FANK1: variants seen among roughly 807,000 people sequenced by gnomAD.
FANK1 encodes the protein fibronectin type 3 and ankyrin repeat domains protein 1.
A neutral mutation model predicts 45.3 loss-of-function variants in FANK1; 44 were observed. The ratio of observed to expected loss-of-function variants is 0.97; its 90% CI spans 0.76 to 1.25. FANK1 has a LOEUF of 1.25. FANK1 is among the 50% of genes most tolerant of loss of function. The pLI is 0.00. For missense variants in FANK1, 391 were observed against 424.4 expected (o/e 0.92, Z 0.69); for synonymous variants, 149 against 152.5 (o/e 0.98, Z 0.17).
chr10:125,932,833 C>T (rs183581021), intron 1 of FANK1, among the ~76,000 whole-genome samples: 1 of 152,176 alleles, frequency 6.6e-6, no homozygotes, highest in Non-Finnish European at 1.5e-5. Context: ...ATTATGTTGG[C>T]TGTGGGTTTG....
At position 125,961,657 on chromosome 10, in the gene FANK1, G is replaced by A. The variant is rs144312336; in HGVS notation, c.14-18504G>A. The stretch of plus-strand genomic sequence containing the variant: ...AAAACTACTACAAGAAAACATAGGG[G>A]GAAGCCCTTCAGGACATTGGTCTGG... On this transcript the variant is annotated intron_variant, in intron 1 of 10. Transcript: ENST00000368693. Among the ~76,000 whole-genome samples, 405 of 152,262 alleles carry A rather than the reference G, an allele frequency of 2.7e-3. 2 individuals carry two copies. The highest frequency in any genetic ancestry group is 9.4e-3 in the African/African-American group (392 of 41,552).
intron 1 of FANK1, among the ~76,000 whole-genome samples, chr10:125,963,033 G>C (rs1215624192): frequency 6.7e-6 from 1 of 150,338 alleles, no homozygotes; most frequent in Non-Finnish European, 1.5e-5. Context: ...CGCCCAGGCT[G>C]GAGTGCAGTG....
At chr10:125,945,018 C>G (rs1259065941) in intron 1 of FANK1, among the ~76,000 whole-genome samples, 4 of 152,194 alleles carry the variant, frequency 2.6e-5, no homozygotes, top group Non-Finnish European at 5.9e-5. Flanking sequence ...CACTGTTCTT[C>G]TTAGTACTTC....
intron 6 of FANK1, 51 bp downstream of exon 6, chr10:125,997,536 T>C (rs776774927): frequency 1.3e-6 from 2 of 1,558,560 alleles, no homozygotes; most frequent in Non-Finnish European, 1.8e-6. Context: ...AGAATTGTGT[T>C]GCTAGGCTTG....
At position 125,987,528 on chromosome 10, in the gene FANK1, G is replaced by GAC. The variant is rs34923987; in HGVS notation, c.192-1004_192-1003dup. Among the ~76,000 whole-genome samples the GAC allele has an allele frequency of 6.9e-3, 1,039 of 150,278 alleles. 13 individuals carry two copies. Among genetic ancestry groups the GAC allele is most frequent in the African/African-American group, 0.023 (926 of 40,978 alleles). ...CAGGAAAGAAGAAAGAGCTGGAAAT[G>GAC]ACACACACACACACACACACCCTCT... On this transcript the variant is annotated intron_variant, in intron 2 of 10. Transcript: ENST00000368693.
intron 1 of FANK1, among the ~76,000 whole-genome samples, chr10:125,948,117 G>A (rs1052146477): frequency 9.5e-5 from 14 of 147,104 alleles, no homozygotes; most frequent in Non-Finnish European, 2.1e-4. Context: ...TCAAAGCAGT[G>A]TGTAGAGGGA....
chr10:125,901,539 A>AG (rs1945037178), intron 1 of FANK1, among the ~76,000 whole-genome samples: 1 of 152,142 alleles, frequency 6.6e-6, no homozygotes, highest in East Asian at 1.9e-4. Context: ...CTCATCACAC[A>AG]TCTGATCTTA....
intron 1 of FANK1, among the ~76,000 whole-genome samples, chr10:125,945,264 G>A (rs1375330758): frequency 6.6e-6 from 1 of 152,208 alleles, no homozygotes. Context: ...TGGCCGAATA[G>A]GAACAGCTCC....
At chr10:125,929,136 C>T (rs578082130) in intron 1 of FANK1, among the ~76,000 whole-genome samples, 2 of 152,260 alleles carry the variant, frequency 1.3e-5, no homozygotes, top group Admixed American at 1.3e-4. Context: ...CACAGAAGAG[C>T]CAGGTGGTTG....
intron 1 of FANK1, among the ~76,000 whole-genome samples, chr10:125,965,754 T>C (rs896480332): frequency 3.9e-5 from 6 of 152,224 alleles, no homozygotes; most frequent in African/African-American, 7.2e-5. Context: ...CTGCAGTAAA[T>C]TGAAGTTGTT....
chr10:125,952,410 G>A (rs1223372471), intron 1 of FANK1, among the ~76,000 whole-genome samples: 3 of 152,108 alleles, frequency 2.0e-5, no homozygotes, highest in African/African-American at 7.2e-5. Flanking sequence ...AAACCACTGA[G>A]CTGTATGATT....
intron 1 of FANK1, among the ~76,000 whole-genome samples, chr10:125,919,977 G>A (rs1371197878): frequency 6.6e-6 from 1 of 152,112 alleles, no homozygotes; most frequent in Non-Finnish European, 1.5e-5. Flanking sequence ...TAGAAGATAG[G>A]TTTTACTCAT....
At chr10:125,946,761 C>T (rs1325311566) in intron 1 of FANK1, among the ~76,000 whole-genome samples, 2 of 103,338 alleles carry the variant, frequency 1.9e-5, no homozygotes, top group East Asian at 5.9e-4. Flanking sequence ...CAGAGAACGC[C>T]ACAAAGATAC....
chr10:125,990,006 T>A (rs533639585), intron 3 of FANK1, among the ~76,000 whole-genome samples: 1 of 152,168 alleles, frequency 6.6e-6, no homozygotes, highest in Non-Finnish European at 1.5e-5. Context: ...TCTGCCCTTC[T>A]TCCCTGGAGC....
In FANK1 at chr10:126,009,234, G is replaced by A; in HGVS notation, c.940G>A (p.Val314Ile). 6.2e-7 allele frequency: 1 copy of A among 1,614,190 alleles called. No homozygotes were observed. Among genetic ancestry groups the A allele is most frequent in the Non-Finnish European group, 8.5e-7 (1 of 1,180,032 alleles). The change falls in exon 10 of 11, where the codon GTC (valine) becomes ATC (isoleucine). Residue 314 changes from valine to isoleucine, a missense_variant. Val to Ile is a conservative substitution (Grantham distance 29). Coordinates refer to ENST00000368693, the MANE Select transcript of FANK1 (RefSeq NM_145235.5). ...ASVKNEFGKGVLEMARVFDRQ... is the reference protein window; with the variant it reads ...ASVKNEFGKGILEMARVFDRQ... ...TTTCCTGTTTCAGTTCGGCAAAGGTGTCCTAGAAATGGCCAGAGTTTTTGA... is the reference window on the plus strand; with the variant it reads ...TTTCCTGTTTCAGTTCGGCAAAGGTATCCTAGAAATGGCCAGAGTTTTTGA...
At chr10:125,954,650 T>C (rs1399097607) in intron 1 of FANK1, among the ~76,000 whole-genome samples, 1 of 152,202 alleles carries the variant, frequency 6.6e-6, no homozygotes, top group East Asian at 1.9e-4. Context: ...TCAGGTGCAG[T>C]GGCTCACGCC....
rs34889746 is a variant in FANK1, at chr10:125,928,261, C to CTTTTT, written c.13+31620_13+31624dup. On this transcript the variant is annotated intron_variant, in intron 1 of 10. Transcript: ENST00000368693. ...TAAACAAGGGGTGGATTATTCGTGC[C>CTTTTT]TTTTTTTTTTTTTTTTTTAAAGACC... Among the ~76,000 whole-genome samples, 2 of 137,722 alleles carry CTTTTT rather than the reference C, an allele frequency of 1.5e-5. 1 individual carries two copies. Among genetic ancestry groups the CTTTTT allele is most frequent in the Non-Finnish European group, 3.1e-5 (2 of 65,400 alleles). The allele number at this position is 137,722 out of a possible 152,430, so 90.4% of individuals were successfully genotyped here. A position where few individuals can be genotyped will look rare whatever the true frequency, so the allele number is the denominator to read the frequency against.
intron 1 of FANK1, among the ~76,000 whole-genome samples, chr10:125,921,787 A>G (rs1946963946): frequency 6.6e-6 from 1 of 152,216 alleles, no homozygotes; most frequent in African/African-American, 2.4e-5. Context: ...TCTAGTGTCT[A>G]CAGGATTTGT....
At chr10:125,958,781 T>G (rs1398879113) in intron 1 of FANK1, among the ~76,000 whole-genome samples, 1 of 152,252 alleles carries the variant, frequency 6.6e-6, no homozygotes, top group Non-Finnish European at 1.5e-5. Flanking sequence ...TTTGTTTGTC[T>G]TCTTTTGAGA....
Sources: gnomAD v4.1 joint callset for allele counts (sites outside exome capture counted in the v4.1 genomes callset) on GRCh38, gnomAD v4.1.1 for gene constraint, MANE v1.5 for transcripts, NCBI Gene and HGNC (gene_info 2026-07-23, HGNC 2026-07-21) for gene names.